Variants in SAMD4A observed in about 807,000 individuals in gnomAD.
SAMD4A encodes protein Smaug homolog 1.
SAMD4A carries 33 observed loss-of-function variants against 81.3 expected under a neutral mutation model. The ratio of observed to expected loss-of-function variants is 0.41; its 90% CI spans 0.31 to 0.54. The LOEUF (loss-of-function observed/expected upper bound fraction) is 0.54, where lower values mean the gene tolerates loss of function less well. Ranked by LOEUF, SAMD4A falls within the 20% of genes least tolerant of loss-of-function variation. The pLI, the probability that SAMD4A is intolerant of heterozygous loss-of-function variation, is 0.37. For synonymous variants in SAMD4A, 389 were observed against 382.1 expected, an observed-to-expected ratio of 1.02 and a Z score of -0.21; for missense variants, 854 against 951.1, an observed-to-expected ratio of 0.90 and a Z score of 1.34.
intron 3 of SAMD4A, among the ~76,000 whole-genome samples, chr14:54,704,671 A>G (rs2036808038): frequency 6.6e-6 from 1 of 152,200 alleles, no homozygotes; most frequent in South Asian, 2.1e-4. Flanking sequence ...ACTAGCTGAC[A>G]TACCTCTGGA....
intron 2 of SAMD4A, among the ~76,000 whole-genome samples, chr14:54,672,757 G>C (rs911616): frequency 6.6e-6 from 1 of 152,050 alleles, no homozygotes; most frequent in African/African-American, 2.4e-5. Context: ...ATAAGTCTAT[G>C]TATGTACTAA....
intron 3 of SAMD4A, among the ~76,000 whole-genome samples, chr14:54,704,679 G>A (rs2140761816): frequency 6.6e-6 from 1 of 152,268 alleles, no homozygotes; most frequent in South Asian, 2.1e-4. Flanking sequence ...ACATACCTCT[G>A]GAAGAAGGCA....
At chr14:54,586,306 C>G (rs1256983610) in intron 2 of SAMD4A, among the ~76,000 whole-genome samples, 1 of 152,112 alleles carries the variant, frequency 6.6e-6, no homozygotes, top group Non-Finnish European at 1.5e-5. Flanking sequence ...TGTTTGAATT[C>G]TTTATAGATT....
At chr14:54,718,373 G>A (rs987509043) in intron 3 of SAMD4A, among the ~76,000 whole-genome samples, 5 of 152,230 alleles carry the variant, frequency 3.3e-5, no homozygotes, top group African/African-American at 1.2e-4. Context: ...AAGAAAGAAA[G>A]GATATGTTCC....
At chr14:54,667,058 T>C (rs2035773318) in intron 2 of SAMD4A, among the ~76,000 whole-genome samples, 1 of 152,248 alleles carries the variant, frequency 6.6e-6, no homozygotes, top group South Asian at 2.1e-4. Flanking sequence ...CTAACCTCAG[T>C]AGCTATTAAA....
intron 2 of SAMD4A, among the ~76,000 whole-genome samples, chr14:54,610,344 T>C (rs1398574758): frequency 1.3e-5 from 2 of 152,220 alleles, no homozygotes; most frequent in Non-Finnish European, 2.9e-5. Flanking sequence ...CAAAGTCATC[T>C]GTCGAAAAGC....
intron 2 of SAMD4A, among the ~76,000 whole-genome samples, chr14:54,617,452 G>A (rs1387835941): frequency 1.5e-5 from 1 of 66,174 alleles, no homozygotes; most frequent in Non-Finnish European, 3.0e-5. Flanking sequence ...GAAAGAATCT[G>A]TAAGGAGAGA....
intron 2 of SAMD4A, among the ~76,000 whole-genome samples, chr14:54,650,441 A>G (rs1470565739): frequency 6.6e-6 from 1 of 152,212 alleles, no homozygotes; most frequent in African/African-American, 2.4e-5. Flanking sequence ...GGCATTAATC[A>G]GTAGTGAATC....
chr14:54,653,489 G>T (rs1006412449), intron 2 of SAMD4A, among the ~76,000 whole-genome samples: 1 of 151,574 alleles, frequency 6.6e-6, no homozygotes, highest in African/African-American at 2.4e-5. Flanking sequence ...ACAGGTGTGC[G>T]CCCTGACGCC....
At chr14:54,588,786 A>G (rs1192082196) in intron 2 of SAMD4A, among the ~76,000 whole-genome samples, 1 of 151,154 alleles carries the variant, frequency 6.6e-6, no homozygotes, top group Non-Finnish European at 1.5e-5. Flanking sequence ...ATTTATTAGC[A>G]CTCTTTGTCA....
At chr14:54,747,741 A>C (rs1031606525) in intron 4 of SAMD4A, among the ~76,000 whole-genome samples, 6 of 152,222 alleles carry the variant, frequency 3.9e-5, no homozygotes, top group Non-Finnish European at 8.8e-5. Flanking sequence ...GCTAGGAATC[A>C]GGAGATCTGG....
chr14:54,749,350 T>A (rs2038042644), intron 5 of SAMD4A, among the ~76,000 whole-genome samples: 1 of 152,178 alleles, frequency 6.6e-6, no homozygotes, highest in Non-Finnish European at 1.5e-5. Flanking sequence ...AAGTGACAGA[T>A]CCATTGTCTG....
At chr14:54,688,277 G>A in intron 2 of SAMD4A, 1 of 985,382 alleles carries the variant, frequency 1.0e-6, no homozygotes, top group Non-Finnish European at 1.2e-6. Flanking sequence ...TCACCAAACG[G>A]TTCTCCGGAG....
chr14:54,722,092 T>C lies in SAMD4A; in HGVS notation c.716-14932T>C, dbSNP rs117664711. ...GATTAAAAAGATTAAGTATTAATGGTGAAATAAGTCTTTCATGGCGACTTC... is the reference window on the plus strand; with the variant it reads ...GATTAAAAAGATTAAGTATTAATGGCGAAATAAGTCTTTCATGGCGACTTC... On this transcript the variant is annotated intron_variant, in intron 3 of 12. Coordinates refer to ENST00000554335, the MANE Select transcript of SAMD4A (RefSeq NM_015589.6). Among the ~76,000 whole-genome samples the C allele has an allele frequency of 8.6e-3, 1,310 of 152,352 alleles. 11 individuals are homozygous for C. The highest frequency in any genetic ancestry group is 0.015 in the Non-Finnish European group (999 of 68,022).
At chr14:54,603,007 T>G (rs1197440193) in intron 2 of SAMD4A, among the ~76,000 whole-genome samples, 2 of 152,232 alleles carry the variant, frequency 1.3e-5, no homozygotes, top group African/African-American at 4.8e-5. Context: ...GGTGATTTGT[T>G]TGCACATTAG....
chr14:54,789,254 G>C lies in SAMD4A; in HGVS notation c.*310G>C, dbSNP rs754362585. 2 of 480,774 alleles carry C rather than the reference G, an allele frequency of 4.2e-6. No homozygotes were observed. The highest frequency in any genetic ancestry group is 2.4e-5 in the South Asian group (1 of 41,274). 29.8% of individuals were successfully genotyped at this position (480,774 alleles called of 1,614,324 possible). A position where few individuals can be genotyped will look rare whatever the true frequency, so the allele number is the denominator to read the frequency against. ...ATGCAGGTAGCTCTCTGGATGGAAC[G>C]GGGACAGGGGAAAGAGTACTGCCAT... On this transcript the variant is annotated 3_prime_UTR_variant, in exon 13 of 13. Transcript: ENST00000554335.
chr14:54,663,670 C>G (rs2035693143), intron 2 of SAMD4A, among the ~76,000 whole-genome samples: 2 of 152,308 alleles, frequency 1.3e-5, no homozygotes, highest in South Asian at 4.1e-4. Context: ...AGGTTAGAGA[C>G]TGTTAGGTCT....
chr14:54,767,740 G>C (rs1272276355), intron 8 of SAMD4A, among the ~76,000 whole-genome samples: 2 of 152,214 alleles, frequency 1.3e-5, no homozygotes, highest in African/African-American at 4.8e-5. Context: ...GGAGGGGGCT[G>C]CAGTGAGATT....
intron 9 of SAMD4A, 72 bp from the exon 10 acceptor site, chr14:54,774,862 T>C: frequency 1.4e-6 from 2 of 1,438,918 alleles, no homozygotes; most frequent in South Asian, 1.2e-5. Context: ...GCGACATCCC[T>C]TGGGAAGCCT....
Sources: gnomAD v4.1 joint callset for allele counts (sites outside exome capture counted in the v4.1 genomes callset) on GRCh38, gnomAD v4.1.1 for gene constraint, MANE v1.5 for transcripts, NCBI Gene and HGNC (gene_info 2026-07-23, HGNC 2026-07-21) for gene names.